ABHD18: variants seen among roughly 807,000 people sequenced by gnomAD.
The protein encoded by ABHD18 is cardiolipin-specific deacylase, mitochondrial.
ABHD18 carries 55 observed loss-of-function variants against 65.9 expected under a neutral mutation model. The observed-to-expected ratio is 0.84, with a 90% CI of 0.67 to 1.05. The LOEUF (loss-of-function observed/expected upper bound fraction) is 1.05, where lower values mean the gene tolerates loss of function less well. Among genes scored for constraint, ABHD18 ranks in the 50% least tolerant of loss-of-function variants. ABHD18 has a pLI of 0.00. For synonymous variants in ABHD18, 181 were observed against 180.2 expected, an observed-to-expected ratio of 1.00 and a Z score of -0.04; for missense variants, 533 against 558.5, an observed-to-expected ratio of 0.95 and a Z score of 0.46.
At chr4:128,002,272 CT>C (rs550629514) in intron 4 of ABHD18, among the ~76,000 whole-genome samples, 200 of 143,826 alleles carry the variant, frequency 1.4e-3, no homozygotes, top group Middle Eastern at 0.011. Flanking sequence ...AAGGCTCCAT[CT>C]TTTTTTTTTT....
At chr4:128,011,277 T>C (rs993782782) in intron 6 of ABHD18, among the ~76,000 whole-genome samples, 1 of 151,860 alleles carries the variant, frequency 6.6e-6, no homozygotes, top group Admixed American at 6.6e-5. Flanking sequence ...GCCTCCCGCG[T>C]AGCTGACACT....
At chr4:127,993,920 A>T (rs915289766) in intron 4 of ABHD18, among the ~76,000 whole-genome samples, 3 of 152,222 alleles carry the variant, frequency 2.0e-5, no homozygotes, top group African/African-American at 7.2e-5. Context: ...CGCAGATTTT[A>T]AACTTTTGAT....
Position 127,999,415 on chromosome 4 carries a change from A to T in ABHD18, c.279-9505A>T, listed in dbSNP as rs138059506. ...AAAACAGGATTTTTTACTCTATTTA[A>T]AAACAAAACAATGACAACATATTAG... On this transcript the variant is annotated intron_variant, in intron 4 of 12. Coordinates refer to ENST00000645843, the MANE Select transcript of ABHD18 (RefSeq NM_001358451.3). Among the ~76,000 whole-genome samples the T allele has an allele frequency of 4.4e-3, 665 of 152,336 alleles. 3 individuals are homozygous for T. Among genetic ancestry groups the T allele is most frequent in the African/African-American group, 0.015 (637 of 41,568 alleles).
intron 6 of ABHD18, among the ~76,000 whole-genome samples, chr4:128,010,062 C>G (rs1295193635): frequency 1.3e-5 from 2 of 152,106 alleles, no homozygotes; most frequent in African/African-American, 4.8e-5. Flanking sequence ...GTTACATAAC[C>G]TTTAGTACCT....
Position 128,035,991 on chromosome 4 carries a change from C to T in ABHD18, c.*178C>T, listed in dbSNP as rs1358403921. 1 of 416,622 alleles carries T rather than the reference C, an allele frequency of 2.4e-6. No homozygotes were observed. Among genetic ancestry groups the T allele is most frequent in the African/African-American group, 2.0e-5 (1 of 49,892 alleles). 25.8% of individuals were successfully genotyped at this position (416,622 alleles called of 1,614,324 possible). ...AACTTCGAATACATTTGAATAATTT[C>T]AAGATAATATTTGAAGTAAATAATG... On this transcript the variant is annotated 3_prime_UTR_variant, in exon 13 of 13. Transcript: ENST00000645843.
intron 1 of ABHD18, among the ~76,000 whole-genome samples, chr4:127,978,172 G>T (rs566069753): frequency 6.6e-6 from 1 of 151,984 alleles, no homozygotes; most frequent in Non-Finnish European, 1.5e-5. Flanking sequence ...ATAGATTTTA[G>T]AACTTAATCC....
chr4:127,976,530 T>G (rs1290423346), intron 1 of ABHD18, among the ~76,000 whole-genome samples: 1 of 152,198 alleles, frequency 6.6e-6, no homozygotes, highest in Non-Finnish European at 1.5e-5. Flanking sequence ...CCTCTTGTCC[T>G]ACAAGGCCTA....
chr4:127,966,534 C>A (rs1317791651), intron 1 of ABHD18, among the ~76,000 whole-genome samples: 2 of 151,726 alleles, frequency 1.3e-5, no homozygotes, highest in Admixed American at 1.3e-4. Context: ...TGTGTATCAG[C>A]CAGGCGCAGT....
chr4:128,029,396 T>G (rs1757880349), intron 11 of ABHD18, among the ~76,000 whole-genome samples: 1 of 151,440 alleles, frequency 6.6e-6, no homozygotes, highest in African/African-American at 2.4e-5. Flanking sequence ...TCACACACTC[T>G]GGAGCTGGAC....
chr4:127,994,285 A>G (rs1751389601), intron 4 of ABHD18, among the ~76,000 whole-genome samples: 1 of 152,188 alleles, frequency 6.6e-6, no homozygotes, highest in South Asian at 2.1e-4. Flanking sequence ...TTCCAAATGA[A>G]TTATAATATT....
At position 128,019,370 on chromosome 4, in the gene ABHD18, C is replaced by T. The variant is rs562827107; in HGVS notation, c.610-710C>T. Reference sequence around the variant, plus strand: ...TCCCTCACTCCATTGGCCATGTGTGCCTATTGACCATCCCAACTGAAGTAT... The same window carrying T: ...TCCCTCACTCCATTGGCCATGTGTGTCTATTGACCATCCCAACTGAAGTAT... On this transcript the variant is annotated intron_variant, in intron 8 of 12. Coordinates refer to ENST00000645843, the MANE Select transcript of ABHD18 (RefSeq NM_001358451.3). Among the ~76,000 whole-genome samples, 4 of 152,274 alleles carry T rather than the reference C, an allele frequency of 2.6e-5. No homozygotes were observed. In the South Asian group the frequency reaches 8.3e-4, roughly 32 times the overall value.
At chr4:127,996,213 A>G (rs562669574) in intron 4 of ABHD18, among the ~76,000 whole-genome samples, 16 of 152,346 alleles carry the variant, frequency 1.1e-4, no homozygotes, top group African/African-American at 3.6e-4. Context: ...TTAACTGTTC[A>G]GATACATAGT....
chr4:127,966,718 A>T (rs964743999), intron 1 of ABHD18, among the ~76,000 whole-genome samples: 5 of 135,434 alleles, frequency 3.7e-5, no homozygotes, highest in African/African-American at 1.5e-4. Flanking sequence ...AAAAAAAAAA[A>T]AAAAAAAAAA....
At chr4:128,015,112 G>T (rs1338049175) in intron 7 of ABHD18, among the ~76,000 whole-genome samples, 1 of 151,550 alleles carries the variant, frequency 6.6e-6, no homozygotes, top group African/African-American at 2.4e-5. Context: ...AGACATGATG[G>T]TGCACACCTG....
intron 12 of ABHD18, chr4:128,031,065 T>C (rs1330021791): frequency 1.0e-6 from 1 of 995,558 alleles, no homozygotes; most frequent in East Asian, 1.1e-4. Context: ...TTAGCAATGT[T>C]TTTCAGTTAG....
intron 4 of ABHD18, among the ~76,000 whole-genome samples, chr4:127,995,337 T>C (rs868755227): frequency 2.6e-5 from 4 of 152,350 alleles, no homozygotes; most frequent in Middle Eastern, 3.4e-3. Flanking sequence ...ACTTCAGGCA[T>C]TACTTTTATG....
chr4:128,008,839 T>C (rs1754073075), intron 4 of ABHD18, 81 bp from the exon 5 acceptor site: 20 of 919,750 alleles, frequency 2.2e-5, no homozygotes, highest in Non-Finnish European at 3.1e-5. Context: ...AATTTAAATG[T>C]AAAAGTTTTA....
intron 4 of ABHD18, among the ~76,000 whole-genome samples, chr4:127,990,932 G>A (rs1410599338): frequency 6.6e-6 from 1 of 152,074 alleles, no homozygotes; most frequent in Non-Finnish European, 1.5e-5. Flanking sequence ...GAGTGCAGTG[G>A]TGCTCACTGT....
intron 4 of ABHD18, among the ~76,000 whole-genome samples, chr4:128,003,186 G>A (rs1052454461): frequency 2.6e-5 from 4 of 151,676 alleles, no homozygotes; most frequent in East Asian, 2.0e-4. Flanking sequence ...GGCCAATATG[G>A]TGAAACCCCA....
Sources: allele counts gnomAD v4.1 joint callset (sites outside exome capture counted in the v4.1 genomes callset), GRCh38; gene constraint gnomAD v4.1.1; transcripts MANE v1.5; gene names NCBI Gene and HGNC (gene_info 2026-07-23, HGNC 2026-07-21).